The following NELL1 variants were observed in gnomAD, a reference collection of about 807,000 sequenced individuals.
NELL1 encodes the protein neural EGFL like 1, also known as protein kinase C-binding protein NELL1.
In NELL1, 76 loss-of-function variants were observed where a neutral mutation model predicts 107.4. That is an observed-to-expected ratio of 0.71 (90% confidence interval 0.59 to 0.86). The LOEUF is 0.86. Among genes scored for constraint, NELL1 ranks in the 40% least tolerant of loss-of-function variants. NELL1 has a pLI of 0.00. For missense variants in NELL1, 1,024 were observed against 1,005.5 expected (o/e 1.02, Z -0.25); for synonymous variants, 353 against 341.2 (o/e 1.03, Z -0.38).
At chr11:20,959,391 C>T (rs932689912) in intron 11 of NELL1, among the ~76,000 whole-genome samples, 4 of 152,164 alleles carry the variant, frequency 2.6e-5, no homozygotes, top group Non-Finnish European at 5.9e-5. Context: ...GATAGCAGCA[C>T]AATTCACAAT....
intron 15 of NELL1, among the ~76,000 whole-genome samples, chr11:21,430,767 G>GA (rs754197866): frequency 2.6e-5 from 4 of 152,078 alleles, no homozygotes; most frequent in African/African-American, 4.8e-5. Context: ...AATGCAACAG[G>GA]AATGTTGCCT....
chr11:21,018,170 A>G lies in NELL1; in HGVS notation c.1300+57610A>G, dbSNP rs115376283. 7.0e-3 allele frequency among the ~76,000 whole-genome samples: 1,058 copies of G among 152,198 alleles called. 12 individuals carry two copies. The highest frequency in any genetic ancestry group is 0.024 in the African/African-American group (998 of 41,550). On this transcript the variant is annotated intron_variant, in intron 12 of 19. Coordinates refer to ENST00000357134, the MANE Select transcript of NELL1 (RefSeq NM_006157.5). ...TTGTGTATTTGTATTTTCTTTAATT[A>G]TGCAGGATGTTTGGGAAGAGAATCC...
chr11:20,869,766 C>T (rs897592921), intron 4 of NELL1, among the ~76,000 whole-genome samples: 1 of 152,148 alleles, frequency 6.6e-6, no homozygotes, highest in Non-Finnish European at 1.5e-5. Flanking sequence ...GAATTGTTAT[C>T]TTTATGTGTA....
intron 1 of NELL1, among the ~76,000 whole-genome samples, chr11:20,676,699 G>A (rs970206703): frequency 2.0e-5 from 3 of 152,176 alleles, no homozygotes; most frequent in African/African-American, 4.8e-5. Context: ...CAAGGCTGTA[G>A]GACCAGGGGT....
intron 2 of NELL1, among the ~76,000 whole-genome samples, chr11:20,710,193 T>C (rs2133894727): frequency 6.6e-6 from 1 of 152,362 alleles, no homozygotes; most frequent in South Asian, 2.1e-4. Flanking sequence ...GGGTTTGTCA[T>C]AGAAGGCTTT....
intron 10 of NELL1, 102 bp downstream of exon 10, chr11:20,937,961 G>A: frequency 9.3e-7 from 1 of 1,080,092 alleles, no homozygotes; most frequent in Non-Finnish European, 1.4e-6. Flanking sequence ...GCCTGGATAG[G>A]GCCCCGAGGG....
chr11:21,229,890 C>T (rs1330431949), intron 14 of NELL1, among the ~76,000 whole-genome samples: 3 of 152,126 alleles, frequency 2.0e-5, no homozygotes, highest in African/African-American at 7.2e-5. Flanking sequence ...ATTCAGAGGC[C>T]AGCGCCCTGG....
chr11:21,007,376 TACACACACACAGAC>T (rs960917814), intron 12 of NELL1, among the ~76,000 whole-genome samples: 2 of 144,928 alleles, frequency 1.4e-5, no homozygotes, highest in Non-Finnish European at 3.1e-5. Context: ...TATGTGTATG[TACACACACACAGAC>T]ACACACACAC....
chr11:20,783,347 G>A (rs541229979), intron 2 of NELL1, among the ~76,000 whole-genome samples: 9 of 152,184 alleles, frequency 5.9e-5, no homozygotes, highest in South Asian at 2.1e-4. Flanking sequence ...TCAGCGTCCC[G>A]TCAAAATTCC....
intron 17 of NELL1, among the ~76,000 whole-genome samples, chr11:21,562,251 TTC>T (rs1296851776): frequency 2.0e-5 from 3 of 152,094 alleles, no homozygotes; most frequent in Non-Finnish European, 4.4e-5. Flanking sequence ...TATTGATTTC[TTC>T]TGTTTTGAAT....
At chr11:21,357,528 G>A (rs1354315341) in intron 14 of NELL1, among the ~76,000 whole-genome samples, 2 of 152,076 alleles carry the variant, frequency 1.3e-5, no homozygotes, top group African/African-American at 4.8e-5. Flanking sequence ...ACTTATTTGA[G>A]TTCCTTGAAG....
chr11:20,862,605 C>CTT (rs386373288), intron 4 of NELL1, among the ~76,000 whole-genome samples: 50,641 of 94,354 alleles, frequency 0.54, 14,311 homozygotes, highest in Non-Finnish European at 0.64. Context: ...TGAGCTGCTG[C>CTT]TTTTTTTTTT....
intron 15 of NELL1, among the ~76,000 whole-genome samples, chr11:21,524,089 A>G (rs751637951): frequency 7.9e-5 from 12 of 152,026 alleles, no homozygotes; most frequent in Non-Finnish European, 1.8e-4. Context: ...TCAAAGTCCT[A>G]TGTATTCCCC....
rs1208916226 is a variant in NELL1 at position 20,669,602 on chromosome 11, C to T, written c.-122C>T. On this transcript the variant is annotated 5_prime_UTR_variant, in exon 1 of 20. Coordinates refer to ENST00000357134, the MANE Select transcript of NELL1 (RefSeq NM_006157.5). The surrounding 1 kb of genome is among the most constrained non-coding windows in gnomAD (Gnocchi z 4.4). ...GAGCGCAGCACCCGGCGCTGCCGAG[C>T]CACCTCCCCCGCCGCCCGCTAGCAA... The T allele has an allele frequency of 6.5e-6, 5 of 769,822 alleles. No homozygotes were observed. The highest frequency in any genetic ancestry group is 1.1e-5 in the Non-Finnish European group (5 of 465,818). 47.7% of individuals were successfully genotyped at this position (769,822 alleles called of 1,614,324 possible). A position where few individuals can be genotyped will look rare whatever the true frequency, so the allele number is the denominator to read the frequency against.
chr11:21,394,975 T>C (rs1188626587), intron 15 of NELL1, among the ~76,000 whole-genome samples: 1 of 151,400 alleles, frequency 6.6e-6, no homozygotes, highest in African/African-American at 2.4e-5. Context: ...AGATAGTATG[T>C]GATTGTTTAG....
chr11:21,063,063 G>A (rs1853780667), intron 12 of NELL1, among the ~76,000 whole-genome samples: 1 of 147,236 alleles, frequency 6.8e-6, no homozygotes, highest in African/African-American at 2.5e-5. Context: ...GGCCAGGCTG[G>A]TCTTGAACTC....
At chr11:21,032,687 G>A (rs145797336) in intron 12 of NELL1, among the ~76,000 whole-genome samples, 2 of 152,128 alleles carry the variant, frequency 1.3e-5, no homozygotes, top group East Asian at 1.9e-4. Context: ...GTACCCAGCC[G>A]ATGTAGGATG....
intron 14 of NELL1, among the ~76,000 whole-genome samples, chr11:21,347,182 G>C (rs1850701100): frequency 6.6e-6 from 1 of 152,150 alleles, no homozygotes; most frequent in Non-Finnish European, 1.5e-5. Flanking sequence ...GTTGACATTT[G>C]AGTGGAGAAG....
At chr11:21,181,820 A>G (rs1856832891) in intron 13 of NELL1, among the ~76,000 whole-genome samples, 1 of 151,806 alleles carries the variant, frequency 6.6e-6, no homozygotes, top group Non-Finnish European at 1.5e-5. Context: ...AATTGTCATT[A>G]TTATTATTTT....
Sources: allele counts gnomAD v4.1 joint callset (sites outside exome capture counted in the v4.1 genomes callset), GRCh38; gene constraint gnomAD v4.1.1; non-coding constraint Gnocchi (gnomAD v3.1); transcripts MANE v1.5; gene names NCBI Gene and HGNC (gene_info 2026-07-23, HGNC 2026-07-21).